Variants in ZC3H3 observed in about 807,000 individuals in gnomAD.
The protein encoded by ZC3H3 is zinc finger CCCH domain-containing protein 3.
In ZC3H3, 36 loss-of-function variants were observed where a neutral mutation model predicts 77.3. The observed-to-expected ratio is 0.47, with a 90% CI of 0.36 to 0.61. The LOEUF (loss-of-function observed/expected upper bound fraction) is 0.61, where lower values mean the gene tolerates loss of function less well. Among genes scored for constraint, ZC3H3 ranks in the 20% least tolerant of loss-of-function variants. The probability of loss-of-function intolerance (pLI) is 0.00; values close to 1 mark genes in which losing one functional copy is unlikely to be tolerated. For synonymous variants in ZC3H3, 626 were observed against 555.2 expected (o/e 1.13, Z -1.79); for missense variants, 1,331 against 1,312.2 (o/e 1.01, Z -0.22).
chr8:143,507,955 G>C, intron 3 of ZC3H3, 56 bp from the exon 4 acceptor site: 1 of 1,490,954 alleles, frequency 6.7e-7, no homozygotes, highest in Non-Finnish European at 9.0e-7. Context: ...CAAGGGTAGG[G>C]TCAGAGAGGC....
intron 9 of ZC3H3, among the ~76,000 whole-genome samples, chr8:143,454,248 ATT>A (rs1162609287): frequency 2.9e-5 from 4 of 139,310 alleles, no homozygotes; most frequent in African/African-American, 2.6e-5. Flanking sequence ...CACTCAGGTA[ATT>A]TTTTTTTTTT....
At chr8:143,498,411 C>T (rs1821414892) in intron 4 of ZC3H3, among the ~76,000 whole-genome samples, 1 of 152,196 alleles carries the variant, frequency 6.6e-6, no homozygotes, top group African/African-American at 2.4e-5. Context: ...TGACCTGAGT[C>T]CACAGCCTCT....
chr8:143,537,723 A>T (rs555274573), intron 2 of ZC3H3, among the ~76,000 whole-genome samples: 1 of 152,350 alleles, frequency 6.6e-6, no homozygotes, highest in South Asian at 2.1e-4. Context: ...ACTGGAACGG[A>T]AGCTGCCCCC....
intron 4 of ZC3H3, among the ~76,000 whole-genome samples, chr8:143,481,399 G>C (rs1820903392): frequency 6.6e-6 from 1 of 152,084 alleles, no homozygotes; most frequent in South Asian, 2.1e-4. Flanking sequence ...CACCCCACGT[G>C]AGCCCCTGAG....
At chr8:143,514,872 T>C (rs1180914571) in intron 3 of ZC3H3, among the ~76,000 whole-genome samples, 1 of 152,136 alleles carries the variant, frequency 6.6e-6, no homozygotes, top group Non-Finnish European at 1.5e-5. Context: ...GTCTGTTTCT[T>C]CTCTCTGCCC....
At chr8:143,455,131 C>A (rs1223528500) in intron 9 of ZC3H3, among the ~76,000 whole-genome samples, 1 of 151,774 alleles carries the variant, frequency 6.6e-6, no homozygotes, top group Non-Finnish European at 1.5e-5. Flanking sequence ...CTGGCCAACA[C>A]AGTGAAACCC....
At chr8:143,534,360 A>T (rs1415067614) in intron 3 of ZC3H3, among the ~76,000 whole-genome samples, 1 of 149,942 alleles carries the variant, frequency 6.7e-6, no homozygotes, top group African/African-American at 2.5e-5. Context: ...TCAGCTGTGC[A>T]CTCCGAAATG....
rs907597049 is a variant in ZC3H3 at position 143,497,034 on chromosome 8, G to A, written c.1715+10712C>T. 3.9e-5 allele frequency among the ~76,000 whole-genome samples: 6 copies of A among 152,200 alleles called. 2 individuals carry two copies. The highest frequency in any genetic ancestry group is 8.8e-5 in the Non-Finnish European group (6 of 68,050). The stretch of plus-strand genomic sequence containing the variant: ...GGGCTCCGCTTCTGTGCAAAAGCTC[G>A]TTTATAAAGGGAGAGAAAGCAATAC... On this transcript the variant is annotated intron_variant, in intron 4 of 11. Transcript: ENST00000262577.
intron 5 of ZC3H3, among the ~76,000 whole-genome samples, chr8:143,469,258 G>A (rs1379337507): frequency 6.6e-6 from 1 of 152,248 alleles, no homozygotes; most frequent in East Asian, 1.9e-4. Context: ...ACTTAGACCA[G>A]GGGGTGAATA....
chr8:143,538,267 G>T lies in ZC3H3; in HGVS notation c.1100C>A (p.Ser367Tyr), dbSNP rs370942327. 3 of 1,612,988 alleles carry T rather than the reference G, an allele frequency of 1.9e-6. No homozygotes were observed. In the South Asian group the frequency reaches 3.3e-5, roughly 18 times the overall value. Residue 367 changes from serine (S) to tyrosine (Y), a missense_variant, in exon 2 of 12, where the codon TCC becomes TAC. Physicochemically the swap from Ser to Tyr is moderately radical, Grantham distance 144. This residue lies in a region of ZC3H3 where 978 missense variants were observed against 915.5 expected (regional missense o/e 1.07). Transcript: ENST00000262577. ...PEPKPRKPAT[S>Y]SKPGSAPSKY... ...GCTGGGGGCAGACCCTGGCTTGGAG[G>T]ACGTGGCTGGCTTCCTGGGCTTGGG...
intron 2 of ZC3H3, among the ~76,000 whole-genome samples, 155 bp from the exon 3 acceptor site, chr8:143,536,608 G>A (rs891607497): frequency 6.6e-6 from 1 of 152,154 alleles, no homozygotes; most frequent in Admixed American, 6.5e-5. Context: ...CTCAGCCCAT[G>A]GCGGCCCTGC....
intron 5 of ZC3H3, among the ~76,000 whole-genome samples, chr8:143,472,296 G>A (rs1586898210): frequency 6.6e-6 from 1 of 152,378 alleles, no homozygotes; most frequent in African/African-American, 2.4e-5. Flanking sequence ...AGGGCCAACG[G>A]AGGCAGAGGC....
chr8:143,517,807 C>T lies in ZC3H3; in HGVS notation c.1562-9908G>A, dbSNP rs186003292. Among the ~76,000 whole-genome samples the T allele has an allele frequency of 2.5e-3, 382 of 152,324 alleles. 5 individuals carry two copies. The highest frequency in any genetic ancestry group is 3.8e-3 in the Non-Finnish European group (258 of 68,018). On this transcript the variant is annotated intron_variant, in intron 3 of 11. Coordinates refer to ENST00000262577, the MANE Select transcript of ZC3H3 (RefSeq NM_015117.3). ...CTTTGACCCCCCGCTCCTGCCTGCC[C>T]CGCACCTGAGCTCCCTCCCCGAATC...
At chr8:143,488,902 G>C (rs983864158) in intron 4 of ZC3H3, among the ~76,000 whole-genome samples, 2 of 152,228 alleles carry the variant, frequency 1.3e-5, no homozygotes, top group African/African-American at 4.8e-5. Flanking sequence ...TGTTGAACTT[G>C]ACCAAGAATT....
intron 4 of ZC3H3, among the ~76,000 whole-genome samples, chr8:143,490,123 C>T (rs970785969): frequency 6.6e-6 from 1 of 152,120 alleles, no homozygotes. Flanking sequence ...GGGGCAGGGG[C>T]GGCGGGGGTG....
chr8:143,506,461 G>A (rs1017525388), intron 4 of ZC3H3, among the ~76,000 whole-genome samples: 4 of 152,154 alleles, frequency 2.6e-5, no homozygotes, highest in African/African-American at 9.7e-5. Context: ...GAAAGGCCAT[G>A]CTCACCAGAT....
chr8:143,491,339 A>G (rs993633192), intron 4 of ZC3H3, among the ~76,000 whole-genome samples: 1 of 152,168 alleles, frequency 6.6e-6, no homozygotes, highest in African/African-American at 2.4e-5. Context: ...GCCGGCCCAC[A>G]CGGAACCACG....
In ZC3H3 at chr8:143,440,129, C is replaced by T; in HGVS notation, c.2727G>A (p.Leu909=). The T allele has an allele frequency of 3.1e-6, 5 of 1,611,326 alleles. No homozygotes were observed. Among genetic ancestry groups the T allele is most frequent in the Non-Finnish European group, 3.4e-6 (4 of 1,179,576 alleles). Residue 909 remains leucine, a synonymous_variant, in exon 11 of 12, where the codon CTG becomes CTA. Transcript: ENST00000262577. ...AAACSNRLCK[L]PSFISLQSSP... ...AGGACTGCAGGGAGATGAAGGAAGG[C>T]AGCTTGCAGAGCCTGTTGGAGCACG...
At chr8:143,522,568 A>C (rs1273292677) in intron 3 of ZC3H3, among the ~76,000 whole-genome samples, 1 of 151,776 alleles carries the variant, frequency 6.6e-6, no homozygotes, top group Non-Finnish European at 1.5e-5. Context: ...GTGCCGCTGC[A>C]CACTCCAGCC....
Sources: gnomAD v4.1 joint callset for allele counts (sites outside exome capture counted in the v4.1 genomes callset) on GRCh38, gnomAD v4.1.1 for gene constraint, gnomAD v4.1.1 regional missense constraint, MANE v1.5 for transcripts, NCBI Gene and HGNC (gene_info 2026-07-23, HGNC 2026-07-21) for gene names.